The following SNTG2 variants were observed in gnomAD, a reference collection of about 807,000 sequenced individuals.
SNTG2 encodes gamma-2-syntrophin.
SNTG2 carries 74 observed loss-of-function variants against 70.9 expected under a neutral mutation model. The ratio of observed to expected loss-of-function variants is 1.04; its 90% CI spans 0.86 to 1.27. The LOEUF (loss-of-function observed/expected upper bound fraction) is 1.27, where lower values mean the gene tolerates loss of function less well. Ranked by LOEUF, SNTG2 falls within the 50% of genes most tolerant of loss-of-function variation. SNTG2 has a pLI of 0.00. For synonymous variants in SNTG2, 278 were observed against 273.8 expected (o/e 1.02, Z -0.15); for missense variants, 717 against 690.7 (o/e 1.04, Z -0.43).
At chr2:1,361,188 A>G (rs2148319117) in intron 16 of SNTG2, among the ~76,000 whole-genome samples, 1 of 152,328 alleles carries the variant, frequency 6.6e-6, no homozygotes, top group Middle Eastern at 3.4e-3. Context: ...CTTTAAATAA[A>G]CATGTAAACA....
chr2:957,540 A>G (rs1197931525), intron 1 of SNTG2, among the ~76,000 whole-genome samples: 15 of 152,130 alleles, frequency 9.9e-5, no homozygotes. Flanking sequence ...AGCTAAAGAT[A>G]AAAATAGAGT....
intron 1 of SNTG2, among the ~76,000 whole-genome samples, chr2:1,001,656 G>T (rs991424042): frequency 3.3e-5 from 5 of 151,648 alleles, no homozygotes; most frequent in South Asian, 4.1e-4. Context: ...CTCATGGATT[G>T]AAAAAAATCA....
chr2:1,255,365 C>A (rs986989590), intron 12 of SNTG2, among the ~76,000 whole-genome samples: 2 of 152,100 alleles, frequency 1.3e-5, no homozygotes, highest in Admixed American at 1.3e-4. Context: ...CATAAAACAT[C>A]AAGAACACCA....
intron 1 of SNTG2, among the ~76,000 whole-genome samples, chr2:1,067,758 G>A (rs568907407): frequency 6.6e-6 from 1 of 152,276 alleles, no homozygotes; most frequent in East Asian, 1.9e-4. Context: ...TTTTTCAGAT[G>A]GAGAAACCAA....
chr2:1,336,809 G>A (rs1040486963), intron 16 of SNTG2, among the ~76,000 whole-genome samples: 6 of 152,076 alleles, frequency 3.9e-5, no homozygotes, highest in Non-Finnish European at 8.8e-5. Context: ...TTCTGTTTTT[G>A]TCTATATTTC....
At chr2:1,301,190 C>T (rs1275476538) in intron 14 of SNTG2, among the ~76,000 whole-genome samples, 1 of 152,040 alleles carries the variant, frequency 6.6e-6, no homozygotes, top group Admixed American at 6.5e-5. Context: ...ATGGAGCTCT[C>T]AGTGGATGGT....
intron 9 of SNTG2, among the ~76,000 whole-genome samples, chr2:1,223,501 C>T (rs1289746187): frequency 6.6e-6 from 1 of 152,240 alleles, no homozygotes; most frequent in African/African-American, 2.4e-5. Context: ...GATCCCTGTG[C>T]TCCTAGCCCC....
At chr2:1,347,180 G>T (rs371000747) in intron 16 of SNTG2, among the ~76,000 whole-genome samples, 1 of 152,146 alleles carries the variant, frequency 6.6e-6, no homozygotes, top group Non-Finnish European at 1.5e-5. Context: ...CACCATAACA[G>T]GCAGGGGCTC....
chr2:1,098,424 A>G lies in SNTG2; in HGVS notation c.325+14A>G, dbSNP rs755479856. ...AAGACCAAGCAGGTAAAAACAGCCAAAATGACCTGTGTATGCATCACAGCC... is the reference window on the plus strand; with the variant it reads ...AAGACCAAGCAGGTAAAAACAGCCAGAATGACCTGTGTATGCATCACAGCC... On this transcript the variant is annotated intron_variant, in intron 4 of 16. Coordinates refer to ENST00000308624, the MANE Select transcript of SNTG2 (RefSeq NM_018968.4). 27 of 1,613,760 alleles carry G rather than the reference A, an allele frequency of 1.7e-5. No individual in the cohort carries two copies. Among genetic ancestry groups the G allele is most frequent in the South Asian group, 5.5e-5 (5 of 91,084 alleles).
chr2:1,168,548 T>C (rs922747943), intron 7 of SNTG2, among the ~76,000 whole-genome samples: 1 of 152,246 alleles, frequency 6.6e-6, no homozygotes, highest in African/African-American at 2.4e-5. Flanking sequence ...TGTTTCAGCA[T>C]TTGATCAAAA....
intron 1 of SNTG2, among the ~76,000 whole-genome samples, chr2:972,327 A>G (rs1284233135): frequency 6.6e-6 from 1 of 152,194 alleles, no homozygotes; most frequent in Non-Finnish European, 1.5e-5. Context: ...TGTTGAGTCC[A>G]TACACATTTA....
Position 989,881 on chromosome 2 carries a change from C to T in SNTG2, c.72+38813C>T, listed in dbSNP as rs539951791. ...CTTTGGCTGTTGGACTCTGTCAACG[C>T]GCTTGTCATTTTAATCTAAGTTATG... On this transcript the variant is annotated intron_variant, in intron 1 of 16. Coordinates refer to ENST00000308624, the MANE Select transcript of SNTG2 (RefSeq NM_018968.4). 3.1e-4 allele frequency among the ~76,000 whole-genome samples: 47 copies of T among 152,318 alleles called. 1 individual carries two copies. The South Asian group carries it at 8.1e-3, about 26-fold the overall frequency.
At chr2:1,194,722 C>T (rs1286012490) in intron 8 of SNTG2, among the ~76,000 whole-genome samples, 1 of 152,056 alleles carries the variant, frequency 6.6e-6, no homozygotes, top group African/African-American at 2.4e-5. Flanking sequence ...GTCTGCTGAT[C>T]AGGCTTATTT....
chr2:1,332,270 TATA>T (rs2148285369), intron 16 of SNTG2, among the ~76,000 whole-genome samples: 1 of 152,348 alleles, frequency 6.6e-6, no homozygotes, highest in Admixed American at 6.5e-5. Flanking sequence ...CAGAACTTAC[TATA>T]ATGTTACCTG....
At chr2:1,000,473 C>A (rs991480827) in intron 1 of SNTG2, among the ~76,000 whole-genome samples, 6 of 151,646 alleles carry the variant, frequency 4.0e-5, no homozygotes, top group African/African-American at 1.5e-4. Context: ...ACAAAAGATC[C>A]TCAGAGACTA....
In SNTG2 at chr2:1,220,817, A is replaced by G. The variant is rs1674705669; in HGVS notation, c.719+11587A>G. Among the ~76,000 whole-genome samples, 4 of 152,208 alleles carry G rather than the reference A, an allele frequency of 2.6e-5. No homozygotes were observed. In the South Asian group the frequency reaches 8.3e-4, roughly 32 times the overall value. ...GCCAGTGCTGCCTTCAACACCCGGC[A>G]GTTCTGGTGGGGGTGTCTTCCGTGG... On this transcript the variant is annotated intron_variant, in intron 9 of 16. Transcript: ENST00000308624.
At chr2:1,278,809 C>G (rs1679377698) in intron 14 of SNTG2, among the ~76,000 whole-genome samples, 1 of 152,100 alleles carries the variant, frequency 6.6e-6, no homozygotes, top group African/African-American at 2.4e-5. Flanking sequence ...CAAACGTGGT[C>G]CAAAGATATT....
intron 14 of SNTG2, among the ~76,000 whole-genome samples, chr2:1,283,737 G>C (rs1679653394): frequency 6.6e-6 from 1 of 152,204 alleles, no homozygotes; most frequent in Non-Finnish European, 1.5e-5. Flanking sequence ...CCATCACACA[G>C]TAGGTATGCC....
At chr2:1,054,481 G>A (rs1016011114) in intron 1 of SNTG2, among the ~76,000 whole-genome samples, 20 of 152,184 alleles carry the variant, frequency 1.3e-4, no homozygotes, top group African/African-American at 3.6e-4. Flanking sequence ...TTCCTGAAAG[G>A]AAATCCCAAG....
Sources: gnomAD v4.1 joint callset for allele counts (sites outside exome capture counted in the v4.1 genomes callset) on GRCh38, gnomAD v4.1.1 for gene constraint, MANE v1.5 for transcripts, NCBI Gene and HGNC (gene_info 2026-07-23, HGNC 2026-07-21) for gene names.